MALT1: variants seen among roughly 807,000 people sequenced by gnomAD.
The protein encoded by MALT1 is mucosa-associated lymphoid tissue lymphoma translocation protein 1.
A neutral mutation model predicts 85.5 loss-of-function variants in MALT1; 36 were observed. The ratio of observed to expected loss-of-function variants is 0.42; its 90% CI spans 0.32 to 0.56. The LOEUF is 0.56. MALT1 is among the 20% of genes least tolerant of loss of function. The pLI, the probability that MALT1 is intolerant of heterozygous loss-of-function variation, is 0.10. For synonymous variants in MALT1, 359 were observed against 361.3 expected, an observed-to-expected ratio of 0.99 and a Z score of 0.07; for missense variants, 716 against 981.6, an observed-to-expected ratio of 0.73 and a Z score of 3.62.
chr18:58,717,746 C>CAAAAAAA, intron 9 of MALT1, among the ~76,000 whole-genome samples: 2 of 100,572 alleles, frequency 2.0e-5, no homozygotes, highest in Non-Finnish European at 4.0e-5. Flanking sequence ...ACTCTTGTCT[C>CAAAAAAA]AAAAAAAAAA....
chr18:58,727,946 T>C (rs1266661768), intron 10 of MALT1, among the ~76,000 whole-genome samples: 1 of 152,236 alleles, frequency 6.6e-6, no homozygotes, highest in Middle Eastern at 3.4e-3. Context: ...ATGTAACTAG[T>C]GACCTTTCTT....
In MALT1 at chr18:58,671,615, C is replaced by T. The variant is rs1196386812; in HGVS notation, c.-29C>T. The T allele has an allele frequency of 3.3e-6, 4 of 1,207,418 alleles. No homozygotes were observed. The highest frequency in any genetic ancestry group is 6.7e-5 in the East Asian group (2 of 30,006). 74.8% of individuals were successfully genotyped at this position (1,207,418 alleles called of 1,614,324 possible). A position where few individuals can be genotyped will look rare whatever the true frequency, so the allele number is the denominator to read the frequency against. On this transcript the variant is annotated 5_prime_UTR_variant, in exon 1 of 17. Transcript: ENST00000649217. ...GCCCGTGACGGGGCGGGCGGGAGCC[C>T]CGGCAGTCCGGGGTCGCCGGCGAGG...
chr18:58,701,445 C>G (rs1411060278), intron 4 of MALT1, among the ~76,000 whole-genome samples: 1 of 152,184 alleles, frequency 6.6e-6, no homozygotes, highest in Non-Finnish European at 1.5e-5. Flanking sequence ...CTGATTTTAC[C>G]TCTATTATAG....
intron 10 of MALT1, among the ~76,000 whole-genome samples, chr18:58,727,142 A>G (rs1206878402): frequency 1.3e-5 from 2 of 152,228 alleles, no homozygotes; most frequent in Admixed American, 6.5e-5. Flanking sequence ...CTGTCAATTT[A>G]TTAAAGACAT....
intron 1 of MALT1, among the ~76,000 whole-genome samples, chr18:58,678,676 G>T (rs1200608092): frequency 1.3e-5 from 2 of 152,182 alleles, no homozygotes; most frequent in African/African-American, 4.8e-5. Context: ...TATAGCCCAT[G>T]ATCTAAGACT....
At chr18:58,699,982 T>G (rs2054648358) in intron 3 of MALT1, among the ~76,000 whole-genome samples, 1 of 152,156 alleles carries the variant, frequency 6.6e-6, no homozygotes, top group Admixed American at 6.5e-5. Flanking sequence ...AGGTCCGGGG[T>G]CTCAAGGTGA....
At chr18:58,708,431 A>G (rs1192782172) in intron 4 of MALT1, among the ~76,000 whole-genome samples, 1 of 152,210 alleles carries the variant, frequency 6.6e-6, no homozygotes, top group Non-Finnish European at 1.5e-5. Context: ...AGGCAAACTG[A>G]GACCACTGGT....
At chr18:58,728,748 GA>G in intron 10 of MALT1, among the ~76,000 whole-genome samples, 1 of 152,334 alleles carries the variant, frequency 6.6e-6, no homozygotes, top group East Asian at 1.9e-4. Flanking sequence ...TTGGGAAAGA[GA>G]AAAAATATTT....
At chr18:58,740,897 T>A (rs1426861651) in intron 13 of MALT1, among the ~76,000 whole-genome samples, 1 of 152,194 alleles carries the variant, frequency 6.6e-6, no homozygotes, top group Non-Finnish European at 1.5e-5. Context: ...CTAGCACTTT[T>A]TACTTCATAT....
chr18:58,701,578 A>C (rs2054673183), intron 4 of MALT1, among the ~76,000 whole-genome samples: 1 of 152,178 alleles, frequency 6.6e-6, no homozygotes, highest in African/African-American at 2.4e-5. Context: ...GTCGCTTACC[A>C]GTTATGCAAT....
At chr18:58,712,429 T>C (rs2054843374) in intron 7 of MALT1, among the ~76,000 whole-genome samples, 1 of 152,196 alleles carries the variant, frequency 6.6e-6, no homozygotes, top group African/African-American at 2.4e-5. Flanking sequence ...AGTCATTATG[T>C]TAAGTGAAAT....
intron 2 of MALT1, among the ~76,000 whole-genome samples, chr18:58,688,648 T>A (rs1021078042): frequency 1.3e-5 from 2 of 151,804 alleles, no homozygotes; most frequent in Non-Finnish European, 1.5e-5. Flanking sequence ...CCCTTTCCAG[T>A]AGTCACCTGC....
At chr18:58,728,585 A>G (rs1289774518) in intron 10 of MALT1, among the ~76,000 whole-genome samples, 1 of 152,246 alleles carries the variant, frequency 6.6e-6, no homozygotes, top group Non-Finnish European at 1.5e-5. Flanking sequence ...AGTATGGGCA[A>G]CAGAGCAAGA....
At chr18:58,715,220 A>C (rs1440608418) in intron 8 of MALT1, among the ~76,000 whole-genome samples, 1 of 152,214 alleles carries the variant, frequency 6.6e-6, no homozygotes, top group Non-Finnish European at 1.5e-5. Context: ...TTCTTTAATG[A>C]ACATTATGAA....
intron 7 of MALT1, among the ~76,000 whole-genome samples, chr18:58,713,223 A>G (rs2054855840): frequency 6.6e-6 from 1 of 152,182 alleles, no homozygotes. Context: ...TTTGTAATTT[A>G]TTGTTAATGT....
intron 16 of MALT1, 130 bp from the exon 17 acceptor site, chr18:58,747,275 G>C (rs1275165145): frequency 9.4e-6 from 6 of 637,554 alleles, no homozygotes; most frequent in Admixed American, 2.8e-5. Flanking sequence ...AGGATGCCTT[G>C]AGGATTTGGA....
intron 2 of MALT1, chr18:58,691,054 TTC>T: frequency 4.0e-6 from 1 of 247,020 alleles, no homozygotes; most frequent in South Asian, 4.6e-5. Context: ...ATTGTGTCTG[TTC>T]TTCAGGGTCA....
chr18:58,682,452 T>C (rs901081321), intron 2 of MALT1, among the ~76,000 whole-genome samples: 1 of 152,252 alleles, frequency 6.6e-6, no homozygotes, highest in East Asian at 1.9e-4. Context: ...GTCTTTGCTC[T>C]TCCTTTCTTG....
At position 58,709,378 on chromosome 18, in the gene MALT1, GAA is replaced by G; in HGVS notation, c.651_652del (p.Ser218CysfsTer2). 6.5e-7 allele frequency: 1 copy of G among 1,540,502 alleles called. No individual in the cohort carries two copies. The highest frequency in any genetic ancestry group is 1.3e-5 in the South Asian group (1 of 77,998). On this transcript the variant is annotated frameshift_variant and splice_region_variant, in exon 5 of 17. Coordinates refer to ENST00000649217, the MANE Select transcript of MALT1 (RefSeq NM_006785.4). LOFTEE classifies it high-confidence loss of function. ...ATTTTATTTTTTCTTTTAATTTAAG[GAA>G]GTGTTGATGGCGTCTCTGAATCCAA... is the stretch of plus-strand genomic sequence containing the variant.
Sources: allele counts gnomAD v4.1 joint callset (sites outside exome capture counted in the v4.1 genomes callset), GRCh38; gene constraint gnomAD v4.1.1; transcripts MANE v1.5; gene names NCBI Gene and HGNC (gene_info 2026-07-23, HGNC 2026-07-21).